Variants in RARB observed in about 807,000 individuals in gnomAD.
The protein encoded by RARB is HBV-activated protein.
A neutral mutation model predicts 51.9 loss-of-function variants in RARB; 17 were observed. The observed-to-expected ratio is 0.33, with a 90% CI of 0.22 to 0.49. RARB has a LOEUF of 0.49. RARB is among the 20% of genes least tolerant of loss of function. The pLI is 0.99. For missense variants in RARB, 369 were observed against 550.8 expected (o/e 0.67, Z 3.30); for synonymous variants, 215 against 195.4 (o/e 1.10, Z -0.84).
intron 2 of RARB, among the ~76,000 whole-genome samples, chr3:25,012,545 C>A (rs1697421383): frequency 6.6e-6 from 1 of 152,134 alleles, no homozygotes; most frequent in South Asian, 2.1e-4. Context: ...ACACTGATTT[C>A]AGTTTTACCG....
At chr3:25,268,241 C>T (rs1329242408) in intron 5 of RARB, among the ~76,000 whole-genome samples, 1 of 151,826 alleles carries the variant, frequency 6.6e-6, no homozygotes, top group Non-Finnish European at 1.5e-5. Flanking sequence ...TTTTTTAGGA[C>T]CAGGTAGATC....
chr3:24,995,715 T>C (rs965434788), intron 2 of RARB, among the ~76,000 whole-genome samples: 1 of 152,142 alleles, frequency 6.6e-6, no homozygotes, highest in Non-Finnish European at 1.5e-5. Context: ...CTACATCTAT[T>C]GAGATGATCG....
At chr3:25,288,617 A>G (rs1703711746) in intron 5 of RARB, among the ~76,000 whole-genome samples, 1 of 152,184 alleles carries the variant, frequency 6.6e-6, no homozygotes. Flanking sequence ...ACCTGGCCAC[A>G]GACTGGCTTT....
intron 2 of RARB, among the ~76,000 whole-genome samples, chr3:25,017,790 A>G (rs577871828): frequency 2.8e-4 from 43 of 152,280 alleles, no homozygotes; most frequent in African/African-American, 9.6e-4. Flanking sequence ...CCTTAATGCT[A>G]TGGTCTGAAT....
intron 4 of RARB, among the ~76,000 whole-genome samples, chr3:25,136,661 T>G (rs1213556670): frequency 6.6e-6 from 1 of 151,982 alleles, no homozygotes; most frequent in Non-Finnish European, 1.5e-5. Context: ...CCACATACCT[T>G]CAATTAATAA....
At chr3:25,472,499 A>G (rs567104632) in intron 2 of RARB, among the ~76,000 whole-genome samples, 84 of 152,252 alleles carry the variant, frequency 5.5e-4, no homozygotes, top group East Asian at 1.9e-4. Context: ...AGTTTCTACC[A>G]TAGGTTTTTT....
intron 1 of RARB, among the ~76,000 whole-genome samples, chr3:25,451,108 C>CA (rs886298697): frequency 4.6e-5 from 7 of 151,358 alleles, no homozygotes; most frequent in South Asian, 4.2e-4. Context: ...AGAAAAAAAA[C>CA]AAAAAAAACC....
chr3:25,428,223 T>C, upstream of RARB: 1 of 1,229,974 alleles, frequency 8.1e-7, no homozygotes, highest in Non-Finnish European at 1.0e-6. Context: ...TCACCGAAAG[T>C]TCACTCGCAT....
rs769275874 is a variant in RARB, at chr3:24,989,774, C to CTTTTTTTTTTTTTTTT, written c.-379-70330_-379-70315dup. Among the ~76,000 whole-genome samples, 18 of 29,532 alleles carry CTTTTTTTTTTTTTTTT rather than the reference C, an allele frequency of 6.1e-4. 5 individuals are homozygous for CTTTTTTTTTTTTTTTT. The highest frequency in any genetic ancestry group is 4.8e-3 in the East Asian group (4 of 838). The allele number at this position is 29,532 out of a possible 152,430, so 19.4% of individuals were successfully genotyped here. On this transcript the variant is annotated intron_variant, in intron 2 of 11. Coordinates refer to the RARB transcript ENST00000383772. ...ATTTTAACTGTTGTCATATGTTTTTCTTTTTTTTTTTTTTTTTTTTTTTTT... is the reference window on the plus strand; with the variant it reads ...ATTTTAACTGTTGTCATATGTTTTTCTTTTTTTTTTTTTTTTTTTTTTTTTTTTTTTTTTTTTTTTT...
In RARB at chr3:25,536,976, G is replaced by A. The variant is rs533265956; in HGVS notation, c.449-32782G>A. ...AGTTCAGAGAAATTGAGTAACAGAC[G>A]AAATTCCCAGAATCATGAGAAAAAC... On this transcript the variant is annotated intron_variant, in intron 3 of 7. Transcript: ENST00000330688. 9.2e-5 allele frequency among the ~76,000 whole-genome samples: 14 copies of A among 152,324 alleles called. No homozygotes were observed. In the East Asian group the frequency reaches 1.2e-3, roughly 13 times the overall value.
Position 25,109,147 on chromosome 3 carries a change from A to C in RARB, c.-327-23014A>C, listed in dbSNP as rs1699558371. On this transcript the variant is annotated intron_variant, in intron 3 of 11. Transcript: ENST00000383772. ...AAATCACCTAGTTCAGTGTTTGCCA[A>C]ATGATAAGCGTTCAAATGGGTAGGT... is the stretch of plus-strand genomic sequence containing the variant. Among the ~76,000 whole-genome samples the C allele has an allele frequency of 1.3e-5, 2 of 152,216 alleles. 1 individual carries two copies. Among genetic ancestry groups the C allele is most frequent in the South Asian group, 4.1e-4 (2 of 4,830 alleles).
chr3:25,013,506 A>G (rs1442940079), intron 2 of RARB, among the ~76,000 whole-genome samples: 1 of 152,064 alleles, frequency 6.6e-6, no homozygotes, highest in Non-Finnish European at 1.5e-5. Flanking sequence ...TCATCCTGCC[A>G]TGAAGACTGA....
At chr3:24,965,823 C>T (rs548222289) in intron 2 of RARB, among the ~76,000 whole-genome samples, 70 of 152,076 alleles carry the variant, frequency 4.6e-4, no homozygotes, top group Non-Finnish European at 6.8e-4. Flanking sequence ...TTCCTCATCC[C>T]CCTGACCCTC....
At chr3:25,267,395 C>T (rs964317996) in intron 5 of RARB, among the ~76,000 whole-genome samples, 5 of 152,170 alleles carry the variant, frequency 3.3e-5, no homozygotes, top group African/African-American at 1.2e-4. Flanking sequence ...TCTGGCCTTC[C>T]GCAACCCCCG....
chr3:25,463,191 G>T (rs1444873110), intron 2 of RARB, among the ~76,000 whole-genome samples: 2 of 152,016 alleles, frequency 1.3e-5, no homozygotes, highest in Non-Finnish European at 2.9e-5. Flanking sequence ...TTTCTTAATG[G>T]GCAGAGCTTC....
chr3:25,435,465 A>G (rs997940461), intron 1 of RARB, among the ~76,000 whole-genome samples: 5 of 152,330 alleles, frequency 3.3e-5, no homozygotes, highest in African/African-American at 1.2e-4. Context: ...GTCCATAATT[A>G]TAAAAAGGCC....
intron 5 of RARB, among the ~76,000 whole-genome samples, chr3:25,400,590 A>G (rs1707238235): frequency 6.6e-6 from 1 of 152,190 alleles, no homozygotes; most frequent in African/African-American, 2.4e-5. Flanking sequence ...AGAGAATAAG[A>G]ATGGAACAGA....
At chr3:25,578,139 G>A (rs1529876) in intron 4 of RARB, among the ~76,000 whole-genome samples, 5 of 152,258 alleles carry the variant, frequency 3.3e-5, no homozygotes, top group South Asian at 2.1e-4. Flanking sequence ...TCCACGCTTC[G>A]CTGGTGCTCC....
At position 25,328,218 on chromosome 3, in the gene RARB, G is replaced by A. The variant is rs146847818; in HGVS notation, c.179-132975G>A. Reference sequence around the variant, plus strand: ...TAGAGATCAGGATAAACGGATGAGCGATTTAAGTAGTTGCCTCTAGGCCGG... The same window carrying A: ...TAGAGATCAGGATAAACGGATGAGCAATTTAAGTAGTTGCCTCTAGGCCGG... On this transcript the variant is annotated intron_variant, in intron 5 of 11. Transcript: ENST00000383772. Among the ~76,000 whole-genome samples the A allele has an allele frequency of 5.7e-3, 862 of 152,308 alleles. 5 individuals carry two copies. The highest frequency in any genetic ancestry group is 0.019 in the African/African-American group (800 of 41,562).
Sources: gnomAD v4.1 joint callset for allele counts (sites outside exome capture counted in the v4.1 genomes callset) on GRCh38, gnomAD v4.1.1 for gene constraint, MANE v1.5 for transcripts, NCBI Gene and HGNC (gene_info 2026-07-23, HGNC 2026-07-21) for gene names.